The following SECISBP2L variants were observed in gnomAD, a reference collection of about 807,000 sequenced individuals.
The protein encoded by SECISBP2L is SECIS binding protein 2 like.
SECISBP2L carries 43 observed loss-of-function variants against 114.7 expected under a neutral mutation model. The ratio of observed to expected loss-of-function variants is 0.38; its 90% CI spans 0.29 to 0.48. The LOEUF (loss-of-function observed/expected upper bound fraction) is 0.48, where lower values mean the gene tolerates loss of function less well. SECISBP2L is among the 20% of genes least tolerant of loss of function. SECISBP2L has a pLI of 0.98. For missense variants in SECISBP2L, 1,136 were observed against 1,301.1 expected (o/e 0.87, Z 1.95); for synonymous variants, 451 against 439.7 (o/e 1.03, Z -0.32).
chr15:49,008,967 T>C (rs1330026124), intron 14 of SECISBP2L, among the ~76,000 whole-genome samples: 3 of 152,210 alleles, frequency 2.0e-5, no homozygotes, highest in Non-Finnish European at 4.4e-5. Context: ...TCTAGATTTC[T>C]AGAATAGAAA....
intron 4 of SECISBP2L, among the ~76,000 whole-genome samples, chr15:49,029,307 A>G (rs1227753360): frequency 6.6e-6 from 1 of 152,172 alleles, no homozygotes. Flanking sequence ...TCTTACCCAG[A>G]GCTTACAATC....
chr15:49,012,477 T>G (rs1902455323), intron 12 of SECISBP2L, among the ~76,000 whole-genome samples, 171 bp downstream of exon 12: 1 of 152,198 alleles, frequency 6.6e-6, no homozygotes, highest in South Asian at 2.1e-4. Flanking sequence ...AAGATAGTCA[T>G]GATACTGATG....
At position 49,001,116 on chromosome 15, in the gene SECISBP2L, A is replaced by G; in HGVS notation, c.2028-19T>C. 1 of 1,539,762 alleles carries G rather than the reference A, an allele frequency of 6.5e-7. No homozygotes were observed. Among genetic ancestry groups the G allele is most frequent in the Non-Finnish European group, 8.8e-7 (1 of 1,131,276 alleles). On this transcript the variant is annotated intron_variant, in intron 14 of 17. Coordinates refer to ENST00000559471, the MANE Select transcript of SECISBP2L (RefSeq NM_001193489.2). ...ACAATACCTGTAAAAAAAAACCAAA[A>G]TGGGTAACTCCATCCTAATTTTTTT...
intron 8 of SECISBP2L, among the ~76,000 whole-genome samples, chr15:49,018,210 C>T (rs575555984): frequency 1.8e-4 from 27 of 151,816 alleles, no homozygotes; most frequent in Admixed American, 1.7e-3. Flanking sequence ...GAGATATACT[C>T]TCAAGTCCTT....
At chr15:48,994,828 T>C (rs1189671687) in intron 17 of SECISBP2L, among the ~76,000 whole-genome samples, 1 of 115,014 alleles carries the variant, frequency 8.7e-6, no homozygotes, top group Non-Finnish European at 1.8e-5. Flanking sequence ...GACTGGTATA[T>C]AGTAAGTGCT....
intron 14 of SECISBP2L, among the ~76,000 whole-genome samples, chr15:49,003,670 G>A (rs918688692): frequency 3.9e-5 from 6 of 152,068 alleles, no homozygotes; most frequent in African/African-American, 1.4e-4. Flanking sequence ...TTTTATCGAG[G>A]GCCTCTTCTG....
intron 11 of SECISBP2L, among the ~76,000 whole-genome samples, chr15:49,014,751 A>G (rs1902503507): frequency 6.7e-6 from 1 of 148,556 alleles, no homozygotes; most frequent in South Asian, 2.1e-4. Context: ...AAAACAATAT[A>G]TAGTTATATA....
intron 6 of SECISBP2L, 133 bp from the exon 7 acceptor site, chr15:49,027,613 T>A (rs1043086998): frequency 5.4e-4 from 253 of 464,666 alleles, no homozygotes; most frequent in Admixed American, 1.2e-3. Flanking sequence ...CCTTATTATT[T>A]TTTTTTTTTT....
intron 11 of SECISBP2L, among the ~76,000 whole-genome samples, chr15:49,015,645 A>G (rs1902521477): frequency 1.3e-5 from 2 of 152,206 alleles, no homozygotes; most frequent in African/African-American, 4.8e-5. Flanking sequence ...GAACACAGAA[A>G]AGCTGAGCTC....
intron 15 of SECISBP2L, 79 bp from the exon 16 acceptor site, chr15:49,000,066 A>G: frequency 6.8e-7 from 1 of 1,473,786 alleles, no homozygotes; most frequent in Middle Eastern, 1.8e-4. Flanking sequence ...CTAAAGCATA[A>G]AACATCGCAG....
rs751179043 is a variant in SECISBP2L at position 49,011,830 on chromosome 15, G to A, written c.1765C>T (p.Arg589Cys). The A allele has an allele frequency of 1.7e-5, 28 of 1,613,828 alleles. No individual in the cohort carries two copies. Among genetic ancestry groups the A allele is most frequent in the African/African-American group, 9.3e-5 (7 of 74,884 alleles). Reference protein sequence around the residue: ...ILKEREEKKGRLTVDHNLLGS... With the variant: ...ILKEREEKKGCLTVDHNLLGS... ...AAAAGATTGTGGTCCACAGTTAAGC[G>A]CCCCTTCTTTTCCTCTCTTTCTTTT... The change falls in exon 13 of 18, where the codon CGC becomes TGC. Residue 589 changes from arginine to cysteine, a missense_variant. Transcript: ENST00000559471.
At chr15:49,028,020 C>A in intron 6 of SECISBP2L, 124 bp downstream of exon 6, 1 of 851,902 alleles carries the variant, frequency 1.2e-6, no homozygotes, top group South Asian at 1.6e-5. Flanking sequence ...TTCCAAATTA[C>A]CTTGAATCTC....
At chr15:49,033,123 A>G in intron 3 of SECISBP2L, 23 bp from the exon 4 acceptor site, 1 of 1,600,686 alleles carries the variant, frequency 6.2e-7, no homozygotes, top group Non-Finnish European at 8.5e-7. Context: ...AAAAACAAAA[A>G]AACAAAAAAC....
chr15:49,003,990 T>C (rs1181210380), intron 14 of SECISBP2L, among the ~76,000 whole-genome samples: 4 of 152,198 alleles, frequency 2.6e-5, no homozygotes, highest in African/African-American at 4.8e-5. Flanking sequence ...TTTTCTATTG[T>C]TTGGAATAGT....
rs1377289999 is a variant in SECISBP2L, at chr15:49,003,405, CTCTT to C, written c.2028-2312_2028-2309del. 8.5e-5 allele frequency among the ~76,000 whole-genome samples: 13 copies of C among 152,318 alleles called. No individual in the cohort carries two copies. In the South Asian group the frequency reaches 2.3e-3, roughly 27 times the overall value. Reference sequence around the variant, plus strand: ...GCAAACAGAGACAATTTGACTTCCTCTCTTTCTATTTGAATACCCTTTATTTCTT... The same window carrying C: ...GCAAACAGAGACAATTTGACTTCCTCTCTATTTGAATACCCTTTATTTCTT... On this transcript the variant is annotated intron_variant, in intron 14 of 17. Coordinates refer to ENST00000559471, the MANE Select transcript of SECISBP2L (RefSeq NM_001193489.2).
At chr15:49,007,099 C>T (rs1399944448) in intron 14 of SECISBP2L, among the ~76,000 whole-genome samples, 3 of 152,316 alleles carry the variant, frequency 2.0e-5, no homozygotes, top group African/African-American at 7.2e-5. Context: ...ACTCCAGACC[C>T]TTTTTGCCTG....
In SECISBP2L at chr15:49,028,430, G is replaced by T. The variant is rs762405675; in HGVS notation, c.894+23C>A. 4.9e-5 allele frequency: 79 copies of T among 1,604,618 alleles called. No homozygotes were observed. The Admixed American group carries it at 1.3e-3, about 27-fold the overall frequency. The stretch of plus-strand genomic sequence containing the variant: ...AATACTGATATCAATGACCAATAAA[G>T]AAATCAAGACGATGTCACATACATT... On this transcript the variant is annotated intron_variant, in intron 5 of 17. Transcript: ENST00000559471.
At chr15:49,002,657 A>C (rs1378119629) in intron 14 of SECISBP2L, among the ~76,000 whole-genome samples, 1 of 152,194 alleles carries the variant, frequency 6.6e-6, no homozygotes, top group East Asian at 1.9e-4. Context: ...GCCCCATTTC[A>C]GTTTTCTACA....
chr15:49,004,897 T>C (rs774230388), intron 14 of SECISBP2L, among the ~76,000 whole-genome samples: 3 of 152,244 alleles, frequency 2.0e-5, no homozygotes, highest in Non-Finnish European at 4.4e-5. Flanking sequence ...CTGAGAAGAA[T>C]GTATATTCTG....
Sources: allele counts gnomAD v4.1 joint callset (sites outside exome capture counted in the v4.1 genomes callset), GRCh38; gene constraint gnomAD v4.1.1; transcripts MANE v1.5; gene names NCBI Gene and HGNC (gene_info 2026-07-23, HGNC 2026-07-21).